PAX5: variants seen among roughly 807,000 people sequenced by gnomAD.
PAX5 encodes the protein paired box 5, also known as paired box protein Pax-5.
In PAX5, 9 loss-of-function variants were observed where a neutral mutation model predicts 43.7. The observed-to-expected ratio is 0.21, with a 90% CI of 0.12 to 0.36. PAX5 has a LOEUF of 0.36. Ranked by LOEUF, PAX5 falls within the 10% of genes least tolerant of loss-of-function variation. The pLI is 1.00. For synonymous variants in PAX5, 228 were observed against 214.3 expected, an observed-to-expected ratio of 1.06 and a Z score of -0.56; for missense variants, 383 against 532.7, an observed-to-expected ratio of 0.72 and a Z score of 2.77.
chr9:36,950,735 CTTTTT>C (rs55801947), intron 6 of PAX5, among the ~76,000 whole-genome samples: 7 of 116,630 alleles, frequency 6.0e-5, no homozygotes, highest in Non-Finnish European at 7.4e-5. Context: ...ACTGAGTTTT[CTTTTT>C]TTTTTTTTTT....
chr9:36,927,070 A>T (rs59569120), intron 6 of PAX5, among the ~76,000 whole-genome samples: 1 of 152,174 alleles, frequency 6.6e-6, no homozygotes, highest in Non-Finnish European at 1.5e-5. Context: ...TGCAATAGTT[A>T]GAGGGGGTGC....
At chr9:36,958,624 TCGC>T (rs1833700214) in intron 6 of PAX5, among the ~76,000 whole-genome samples, 3 of 152,100 alleles carry the variant, frequency 2.0e-5, no homozygotes, top group South Asian at 2.1e-4. Flanking sequence ...ACCCTAGCAA[TCGC>T]CTCCTGGTCC....
chr9:36,947,165 G>A (rs927382556), intron 6 of PAX5, among the ~76,000 whole-genome samples: 5 of 152,224 alleles, frequency 3.3e-5, no homozygotes, highest in African/African-American at 1.2e-4. Flanking sequence ...TGGAAGCAAC[G>A]TTCCCCTTCC....
At chr9:36,850,252 G>C (rs1284578036) in intron 8 of PAX5, among the ~76,000 whole-genome samples, 1 of 152,236 alleles carries the variant, frequency 6.6e-6, no homozygotes, top group Non-Finnish European at 1.5e-5. Flanking sequence ...ATCAGCCAAG[G>C]CTTCAGACTG....
At chr9:36,967,034 C>G (rs1834504948) in intron 5 of PAX5, among the ~76,000 whole-genome samples, 1 of 152,158 alleles carries the variant, frequency 6.6e-6, no homozygotes, top group Admixed American at 6.5e-5. Flanking sequence ...AAGACTGAGA[C>G]CTAGAGAGAT....
At chr9:36,947,917 C>T (rs1588053151) in intron 6 of PAX5, among the ~76,000 whole-genome samples, 1 of 152,128 alleles carries the variant, frequency 6.6e-6, no homozygotes, top group East Asian at 1.9e-4. Flanking sequence ...CACACACTCT[C>T]TGTGCACCCC....
intron 5 of PAX5, among the ~76,000 whole-genome samples, chr9:36,991,414 G>A (rs1836926644): frequency 6.6e-6 from 1 of 151,990 alleles, no homozygotes; most frequent in Non-Finnish European, 1.5e-5. Context: ...GGAAAACAAG[G>A]CCCAGAGAGA....
rs1378437940 is a variant in PAX5 at position 36,839,912 on chromosome 9, G to C, written c.*648C>G. 1 of 234,750 alleles carries C rather than the reference G, an allele frequency of 4.3e-6. No individual in the cohort carries two copies. The highest frequency in any genetic ancestry group is 6.0e-5 in the East Asian group (1 of 16,614). 14.5% of individuals were successfully genotyped at this position (234,750 alleles called of 1,614,324 possible). A position where few individuals can be genotyped will look rare whatever the true frequency, so the allele number is the denominator to read the frequency against. ...CTCTTGGAGAGGGGCCTCAGGGGGA[G>C]CCTGCAGCACAACCAGCCCAGTGAG... On this transcript the variant is annotated 3_prime_UTR_variant, in exon 10 of 10. Coordinates refer to ENST00000358127, the MANE Select transcript of PAX5 (RefSeq NM_016734.3).
intron 5 of PAX5, among the ~76,000 whole-genome samples, chr9:36,970,333 C>T (rs1374275208): frequency 6.6e-6 from 1 of 151,908 alleles, no homozygotes; most frequent in African/African-American, 2.4e-5. Flanking sequence ...CGTACAAAGG[C>T]CCTGAGAGAA....
intron 6 of PAX5, among the ~76,000 whole-genome samples, chr9:36,956,801 T>C (rs112412837): frequency 1.3e-5 from 2 of 152,282 alleles, no homozygotes; most frequent in African/African-American, 4.8e-5. Context: ...TTTGAGATGA[T>C]GACAATAGAA....
At chr9:36,965,420 G>C (rs1303382983) in intron 6 of PAX5, among the ~76,000 whole-genome samples, 1 of 152,206 alleles carries the variant, frequency 6.6e-6, no homozygotes, top group African/African-American at 2.4e-5. Context: ...TCTGGACCTT[G>C]GTTTTACCAT....
chr9:36,848,373 C>CACACACACACAT (rs1433052828), intron 8 of PAX5, among the ~76,000 whole-genome samples: 1 of 151,796 alleles, frequency 6.6e-6, no homozygotes. Flanking sequence ...CACACACACA[C>CACACACACACAT]ACACACACAT....
In PAX5 at chr9:36,888,557, T is replaced by C. The variant is rs554737275; in HGVS notation, c.911-6452A>G. Reference sequence around the variant, plus strand: ...TATTGTGTGAATATATTCATACAAATGTCCAAGATAGGCAAATCTACCGAC... The same window carrying C: ...TATTGTGTGAATATATTCATACAAACGTCCAAGATAGGCAAATCTACCGAC... On this transcript the variant is annotated intron_variant, in intron 7 of 9. Transcript: ENST00000358127. Among the ~76,000 whole-genome samples, 5 of 152,322 alleles carry C rather than the reference T, an allele frequency of 3.3e-5. No homozygotes were observed. In the South Asian group the frequency reaches 8.3e-4, roughly 25 times the overall value.
chr9:36,983,127 ACT>A (rs1444662762), intron 5 of PAX5, among the ~76,000 whole-genome samples: 1 of 152,034 alleles, frequency 6.6e-6, no homozygotes, highest in African/African-American at 2.4e-5. Context: ...CATGAACATA[ACT>A]CTGTGTTTCC....
At chr9:36,896,712 T>C (rs1182651086) in intron 7 of PAX5, among the ~76,000 whole-genome samples, 3 of 152,182 alleles carry the variant, frequency 2.0e-5, no homozygotes, top group Admixed American at 1.3e-4. Context: ...GGTCTCGGTT[T>C]CCACTTTGTA....
intron 6 of PAX5, among the ~76,000 whole-genome samples, chr9:36,936,978 G>A (rs1831615703): frequency 6.6e-6 from 1 of 152,192 alleles, no homozygotes. Flanking sequence ...TCAGGAGGGA[G>A]TGCCCTCTGG....
chr9:36,848,265 T>C (rs1477232350), intron 8 of PAX5, among the ~76,000 whole-genome samples: 1 of 151,462 alleles, frequency 6.6e-6, no homozygotes, highest in African/African-American at 2.4e-5. Flanking sequence ...GCAGGAATAA[T>C]GAGGCAGGAC....
chr9:36,903,038 C>A lies in PAX5; in HGVS notation c.910+20317G>T, dbSNP rs576681112. ...GAGGTTCCCCACCCCTCACCACCAG[C>A]ACTTGGCATCCTTCCTCCTCTCAGG... On this transcript the variant is annotated intron_variant, in intron 7 of 9. Coordinates refer to ENST00000358127, the MANE Select transcript of PAX5 (RefSeq NM_016734.3). Among the ~76,000 whole-genome samples the A allele has an allele frequency of 2.0e-5, 3 of 152,310 alleles. No individual in the cohort carries two copies. In the South Asian group the frequency reaches 6.2e-4, roughly 32 times the overall value.
intron 5 of PAX5, among the ~76,000 whole-genome samples, chr9:36,968,180 T>C (rs1013336990): frequency 2.6e-4 from 39 of 152,320 alleles, no homozygotes; most frequent in African/African-American, 8.4e-4. Context: ...AGCGTGGGTC[T>C]GCTCTCATGC....
Sources: gnomAD v4.1 joint callset for allele counts (sites outside exome capture counted in the v4.1 genomes callset) on GRCh38, gnomAD v4.1.1 for gene constraint, MANE v1.5 for transcripts, NCBI Gene and HGNC (gene_info 2026-07-23, HGNC 2026-07-21) for gene names.